The following SSBP3 variants were observed in gnomAD, a reference collection of about 807,000 sequenced individuals.
The protein encoded by SSBP3 is single stranded DNA binding protein 3, also known as single-stranded DNA-binding protein 3.
Under a neutral mutation model 69.6 loss-of-function variants are expected in SSBP3, and 5 were observed. The ratio of observed to expected loss-of-function variants is 0.07; its 90% CI spans 0.04 to 0.15. The LOEUF (loss-of-function observed/expected upper bound fraction) is 0.15. SSBP3 is among the 10% of genes least tolerant of loss of function. SSBP3 has a pLI of 1.00. For synonymous variants in SSBP3, 196 were observed against 193.4 expected, an observed-to-expected ratio of 1.01 and a Z score of -0.11; for missense variants, 312 against 534.0, an observed-to-expected ratio of 0.58 and a Z score of 4.10.
intron 13 of SSBP3, 104 bp downstream of exon 13, chr1:54,240,801 G>T: frequency 1.4e-6 from 2 of 1,463,678 alleles, no homozygotes; most frequent in Non-Finnish European, 1.9e-6. Flanking sequence ...AGGAAGGAGT[G>T]GCTGGTAAGC....
At chr1:54,248,580 C>G (rs1644771953) in intron 9 of SSBP3, among the ~76,000 whole-genome samples, 1 of 152,136 alleles carries the variant, frequency 6.6e-6, no homozygotes, top group African/African-American at 2.4e-5. Flanking sequence ...GCCTAGGGAA[C>G]AGGGAGAGTC....
At chr1:54,380,308 C>G (rs1396489240) in intron 4 of SSBP3, among the ~76,000 whole-genome samples, 1 of 152,186 alleles carries the variant, frequency 6.6e-6, no homozygotes, top group African/African-American at 2.4e-5. Flanking sequence ...CTCCTCACCC[C>G]CATGCCCAAA....
chr1:54,250,081 T>A (rs867029892), intron 9 of SSBP3, among the ~76,000 whole-genome samples: 2 of 152,344 alleles, frequency 1.3e-5, no homozygotes, highest in South Asian at 2.1e-4. Context: ...GAAGCTCCGC[T>A]CCTACTCTGC....
intron 4 of SSBP3, among the ~76,000 whole-genome samples, chr1:54,316,544 G>A (rs1277824587): frequency 6.8e-6 from 1 of 147,536 alleles, no homozygotes; most frequent in Non-Finnish European, 1.5e-5. Context: ...GGGAGGCTGA[G>A]GCAGGAGAAT....
intron 4 of SSBP3, among the ~76,000 whole-genome samples, chr1:54,313,574 T>A (rs1174360792): frequency 6.7e-6 from 1 of 150,104 alleles, no homozygotes. Flanking sequence ...CTTTTTGACA[T>A]CAACAGTCAA....
chr1:54,287,946 G>GAC (rs934824290), intron 4 of SSBP3, among the ~76,000 whole-genome samples: 1 of 152,186 alleles, frequency 6.6e-6, no homozygotes, highest in African/African-American at 2.4e-5. Flanking sequence ...AGGTTTGGAT[G>GAC]ACACACAGGA....
intron 4 of SSBP3, among the ~76,000 whole-genome samples, chr1:54,310,147 C>G (rs1645974009): frequency 6.6e-6 from 1 of 152,154 alleles, no homozygotes; most frequent in Non-Finnish European, 1.5e-5. Context: ...CACCATCTGC[C>G]CGGCTGACAA....
In SSBP3 at chr1:54,382,225, C is replaced by G. The variant is rs562123523; in HGVS notation, c.276+19636G>C. 4.6e-5 allele frequency among the ~76,000 whole-genome samples: 7 copies of G among 152,252 alleles called. No homozygotes were observed. The East Asian group carries it at 1.4e-3, about 29-fold the overall frequency. Reference sequence around the variant, plus strand: ...TAAATAAGTAAAAAATACAGATGTGCAGTAAGCATTTTATTTTTATTTCTT... The same window carrying G: ...TAAATAAGTAAAAAATACAGATGTGGAGTAAGCATTTTATTTTTATTTCTT... On this transcript the variant is annotated intron_variant, in intron 4 of 17. Coordinates refer to ENST00000610401, the Ensembl canonical transcript of SSBP3.
intron 7 of SSBP3, among the ~76,000 whole-genome samples, chr1:54,255,428 C>G (rs1297643490): frequency 6.6e-6 from 1 of 152,144 alleles, no homozygotes; most frequent in Non-Finnish European, 1.5e-5. Context: ...CCCTATGTGC[C>G]ACGGCAAAGC....
chr1:54,289,037 C>A (rs11206318), intron 4 of SSBP3, among the ~76,000 whole-genome samples: 29,959 of 61,034 alleles, frequency 0.49, 5,394 homozygotes, highest in East Asian at 0.81. Flanking sequence ...AAAAAAAAAA[C>A]AAAAAAACAA....
chr1:54,338,386 A>T (rs1187969846), intron 4 of SSBP3, among the ~76,000 whole-genome samples: 2 of 152,248 alleles, frequency 1.3e-5, no homozygotes, highest in Admixed American at 1.3e-4. Context: ...AAGATCTAGC[A>T]TGTATCTCAC....
intron 4 of SSBP3, among the ~76,000 whole-genome samples, chr1:54,362,609 G>A (rs1646966802): frequency 1.3e-5 from 2 of 152,208 alleles, no homozygotes; most frequent in African/African-American, 4.8e-5. Flanking sequence ...TATTAGACCA[G>A]GAAGGAACAC....
At chr1:54,358,728 G>A (rs900730867) in intron 4 of SSBP3, among the ~76,000 whole-genome samples, 1 of 152,216 alleles carries the variant, frequency 6.6e-6, no homozygotes, top group Non-Finnish European at 1.5e-5. Flanking sequence ...GATTGCAAGT[G>A]GGGAGGGCAT....
At chr1:54,400,889 C>T (rs934233564) in intron 4 of SSBP3, among the ~76,000 whole-genome samples, 10 of 152,316 alleles carry the variant, frequency 6.6e-5, no homozygotes, top group African/African-American at 2.4e-4. Context: ...GACCCAATGA[C>T]GTTCAAGAAA....
intron 3 of SSBP3, among the ~76,000 whole-genome samples, 171 bp downstream of exon 3, chr1:54,404,405 C>G (rs1313736799): frequency 6.6e-6 from 1 of 152,340 alleles, no homozygotes; most frequent in South Asian, 2.1e-4. Context: ...CATCCTCTTC[C>G]GCCCTTCTCC....
intron 4 of SSBP3, among the ~76,000 whole-genome samples, chr1:54,311,791 A>G (rs868710629): frequency 3.3e-5 from 5 of 152,198 alleles, no homozygotes; most frequent in Admixed American, 6.5e-5. Context: ...ACTATAAAAA[A>G]GCAAGGAGGT....
At chr1:54,342,967 T>G (rs1230434621) in intron 4 of SSBP3, among the ~76,000 whole-genome samples, 1 of 152,122 alleles carries the variant, frequency 6.6e-6, no homozygotes, top group Non-Finnish European at 1.5e-5. Context: ...AGCGTATGGA[T>G]CATGTTTCGT....
At chr1:54,360,577 G>A (rs1052286454) in intron 4 of SSBP3, among the ~76,000 whole-genome samples, 12 of 152,150 alleles carry the variant, frequency 7.9e-5, no homozygotes, top group African/African-American at 2.7e-4. Flanking sequence ...CAGAAAGCCT[G>A]CATGGGTCCC....
chr1:54,389,429 C>T (rs1312356440), intron 4 of SSBP3, among the ~76,000 whole-genome samples: 3 of 152,150 alleles, frequency 2.0e-5, no homozygotes, highest in Non-Finnish European at 4.4e-5. Context: ...AGAAGCACCG[C>T]ACCAGTCAGG....
Sources: gnomAD v4.1 joint callset for allele counts (sites outside exome capture counted in the v4.1 genomes callset) on GRCh38, gnomAD v4.1.1 for gene constraint, MANE v1.5 for transcripts, NCBI Gene and HGNC (gene_info 2026-07-23, HGNC 2026-07-21) for gene names.